The following ROBO2 variants were observed in gnomAD, a reference collection of about 807,000 sequenced individuals.
ROBO2 encodes roundabout guidance receptor 2, also known as roundabout homolog 2.
A neutral mutation model predicts 160.8 loss-of-function variants in ROBO2; 53 were observed. The ratio of observed to expected loss-of-function variants is 0.33; its 90% confidence interval spans 0.26 to 0.41. The LOEUF is 0.41. Ranked by LOEUF, ROBO2 falls within the 10% of genes least tolerant of loss-of-function variation. The pLI, the probability that ROBO2 is intolerant of heterozygous loss-of-function variation, is 1.00. For missense variants in ROBO2, 1,577 were observed against 1,722.4 expected (o/e 0.92, Z 1.49); for synonymous variants, 664 against 611.7 (o/e 1.09, Z -1.26).
intron 2 of ROBO2, among the ~76,000 whole-genome samples, chr3:76,174,825 A>G (rs1021791152): frequency 5.9e-5 from 9 of 152,094 alleles, no homozygotes; most frequent in Non-Finnish European, 1.3e-4. Flanking sequence ...CTTTTTGCTT[A>G]GGATTGTCTT....
intron 2 of ROBO2, among the ~76,000 whole-genome samples, chr3:76,267,392 A>T (rs1707164575): frequency 6.6e-6 from 1 of 152,126 alleles, no homozygotes; most frequent in African/African-American, 2.4e-5. Flanking sequence ...CCCTTATTAC[A>T]TTTCAAGCCT....
At chr3:77,012,803 C>A (rs1463333675) in intron 2 of ROBO2, among the ~76,000 whole-genome samples, 1 of 152,130 alleles carries the variant, frequency 6.6e-6, no homozygotes, top group Non-Finnish European at 1.5e-5. Flanking sequence ...TTTCAGCTAC[C>A]CCAGGTTATC....
At position 76,353,022 on chromosome 3, in the gene ROBO2, A is replaced by G. The variant is rs114308972; in HGVS notation, c.109+415420A>G. On this transcript the variant is annotated intron_variant, in intron 2 of 26. Transcript: ENST00000487694. ...CTGGCGTTTCCTCTCCCAAAATACA[A>G]TTCTAACTTAGCAGTCACCGTCAGC... is the stretch of plus-strand genomic sequence containing the variant. Among the ~76,000 whole-genome samples the G allele has an allele frequency of 6.3e-3, 952 of 152,084 alleles. 7 individuals carry two copies. The highest frequency in any genetic ancestry group is 0.021 in the African/African-American group (891 of 41,526).
intron 2 of ROBO2, among the ~76,000 whole-genome samples, chr3:76,674,632 A>ACACACAC: frequency 6.6e-6 from 1 of 151,924 alleles, no homozygotes; most frequent in Non-Finnish European, 1.5e-5. Flanking sequence ...ACACACACAG[A>ACACACAC]AACCTGTAGA....
chr3:76,698,480 C>T (rs1200297013), intron 2 of ROBO2, among the ~76,000 whole-genome samples: 1 of 152,098 alleles, frequency 6.6e-6, no homozygotes, highest in East Asian at 1.9e-4. Context: ...AGCTACCGAC[C>T]TGATGGTATG....
intron 2 of ROBO2, among the ~76,000 whole-genome samples, chr3:76,530,437 C>T (rs2082164663): frequency 1.3e-5 from 2 of 152,158 alleles, no homozygotes; most frequent in Admixed American, 1.3e-4. Flanking sequence ...ATTGCTCCCG[C>T]ATCTCCAGCT....
chr3:75,998,404 A>G (rs180798322), intron 2 of ROBO2, among the ~76,000 whole-genome samples: 13 of 152,310 alleles, frequency 8.5e-5, no homozygotes, highest in African/African-American at 2.9e-4. Flanking sequence ...CAGTTTTTGT[A>G]GAACTCCTCT....
chr3:76,951,262 T>C (rs1460487695), intron 2 of ROBO2, among the ~76,000 whole-genome samples: 2 of 152,254 alleles, frequency 1.3e-5, no homozygotes, highest in African/African-American at 4.8e-5. Flanking sequence ...TCCTAGAATT[T>C]GTAGTGTCTT....
intron 2 of ROBO2, among the ~76,000 whole-genome samples, chr3:76,655,389 A>T (rs1212810551): frequency 1.8e-5 from 2 of 114,118 alleles, no homozygotes; most frequent in African/African-American, 5.8e-5. Context: ...TTTCAAAAAA[A>T]AAACTATTTG....
At chr3:77,279,136 C>T (rs527507917) in intron 2 of ROBO2, among the ~76,000 whole-genome samples, 201 of 152,098 alleles carry the variant, frequency 1.3e-3, no homozygotes, top group Non-Finnish European at 2.4e-3. Flanking sequence ...AAACTGAAAA[C>T]GTCTCTTTTT....
At chr3:77,625,468 C>T (rs1435081354) in intron 23 of ROBO2, among the ~76,000 whole-genome samples, 2 of 151,988 alleles carry the variant, frequency 1.3e-5, no homozygotes, top group South Asian at 2.1e-4. Context: ...ACCTATCCCT[C>T]TCGGGTTCAA....
intron 2 of ROBO2, among the ~76,000 whole-genome samples, chr3:77,381,068 C>A (rs563847288): frequency 6.6e-6 from 1 of 152,184 alleles, no homozygotes; most frequent in African/African-American, 2.4e-5. Flanking sequence ...GTAATCCCAG[C>A]ACTTTGGGAG....
intron 2 of ROBO2, among the ~76,000 whole-genome samples, chr3:76,141,248 A>G (rs2071657803): frequency 7.2e-6 from 1 of 139,794 alleles, no homozygotes; most frequent in Admixed American, 7.5e-5. Context: ...GCTTTGCTGA[A>G]CATGAAATGA....
At chr3:77,634,970 C>T (rs1387857858) in exon 24 of ROBO2, 1 of 1,614,122 alleles carries the variant, frequency 6.2e-7, no homozygotes, top group Non-Finnish European at 8.5e-7. Flanking sequence ...GGCCTCGGCC[C>T]ACTAAAAAAC....
chr3:76,163,444 A>G (rs2072712487), intron 2 of ROBO2, among the ~76,000 whole-genome samples: 1 of 150,492 alleles, frequency 6.6e-6, no homozygotes, highest in South Asian at 2.1e-4. Flanking sequence ...AGTATTTTAT[A>G]TGGATATTTG....
chr3:76,747,196 C>T (rs944018136), intron 2 of ROBO2, among the ~76,000 whole-genome samples: 5 of 151,938 alleles, frequency 3.3e-5, no homozygotes, highest in Non-Finnish European at 5.9e-5. Flanking sequence ...TTGTTTTTAC[C>T]CAGAAATATG....
chr3:76,802,531 AT>A (rs1419678096), intron 2 of ROBO2, among the ~76,000 whole-genome samples: 3 of 151,994 alleles, frequency 2.0e-5, no homozygotes, highest in Non-Finnish European at 4.4e-5. Context: ...GATTGAGACC[AT>A]CCTGGCTAAC....
chr3:76,134,124 T>A (rs752328804), intron 2 of ROBO2, among the ~76,000 whole-genome samples: 6 of 152,166 alleles, frequency 3.9e-5, no homozygotes, highest in Non-Finnish European at 7.3e-5. Flanking sequence ...TGCTGCAATT[T>A]TCAAAAATTT....
intron 2 of ROBO2, among the ~76,000 whole-genome samples, chr3:76,825,603 CAAAAAAAAAAAA>C (rs201063990): frequency 6.9e-5 from 5 of 72,494 alleles, no homozygotes; most frequent in East Asian, 5.0e-4. Flanking sequence ...TCATCTTAGC[CAAAAAAAAAAAA>C]AAAAAAAAAA....
Sources: allele counts gnomAD v4.1 joint callset (sites outside exome capture counted in the v4.1 genomes callset), GRCh38; gene constraint gnomAD v4.1.1; transcripts MANE v1.5; gene names NCBI Gene and HGNC (gene_info 2026-07-23, HGNC 2026-07-21).